ARHGAP15: variants seen among roughly 807,000 people sequenced by gnomAD.
The protein encoded by ARHGAP15 is Rho GTPase activating protein 15.
ARHGAP15 carries 51 observed loss-of-function variants against 63.7 expected under a neutral mutation model. The ratio of observed to expected loss-of-function variants is 0.80; its 90% CI spans 0.64 to 1.01. The LOEUF is 1.01. Ranked by LOEUF, ARHGAP15 falls within the 50% of genes least tolerant of loss-of-function variation. ARHGAP15 has a pLI of 0.00. For synonymous variants in ARHGAP15, 191 were observed against 193.8 expected (o/e 0.99, Z 0.12); for missense variants, 560 against 564.6 (o/e 0.99, Z 0.08).
intron 6 of ARHGAP15, among the ~76,000 whole-genome samples, chr2:143,373,629 CAAAAAAAAAAAAAAA>C (rs58153000): frequency 1.7e-4 from 11 of 62,970 alleles, no homozygotes; most frequent in Admixed American, 5.1e-4. Context: ...GACTCTATCT[CAAAAAAAAAAAAAAA>C]AAAAAAAAAA....
At chr2:143,688,792 G>A (rs919910508) in intron 12 of ARHGAP15, among the ~76,000 whole-genome samples, 3 of 152,070 alleles carry the variant, frequency 2.0e-5, no homozygotes, top group Non-Finnish European at 1.5e-5. Flanking sequence ...TTTCTTTTAG[G>A]ATTTAGTGAG....
At chr2:143,444,369 A>G (rs1298399286) in intron 8 of ARHGAP15, among the ~76,000 whole-genome samples, 4 of 152,202 alleles carry the variant, frequency 2.6e-5, no homozygotes, top group Non-Finnish European at 5.9e-5. Context: ...ATGGGCGTAT[A>G]TTAATGTTTT....
At chr2:143,669,762 C>A (rs1286901436) in intron 12 of ARHGAP15, among the ~76,000 whole-genome samples, 1 of 152,186 alleles carries the variant, frequency 6.6e-6, no homozygotes, top group Non-Finnish European at 1.5e-5. Flanking sequence ...TCCAGCAAAA[C>A]ACTTGCCTCA....
At chr2:143,287,890 C>T (rs1682190689) in intron 6 of ARHGAP15, among the ~76,000 whole-genome samples, 1 of 152,136 alleles carries the variant, frequency 6.6e-6, no homozygotes, top group Non-Finnish European at 1.5e-5. Context: ...CATATCTCAC[C>T]CCTGCAGGCT....
chr2:143,416,973 T>G (rs2105040600), intron 6 of ARHGAP15, among the ~76,000 whole-genome samples: 1 of 152,158 alleles, frequency 6.6e-6, no homozygotes, highest in Admixed American at 6.5e-5. Flanking sequence ...TTTCAGGGAT[T>G]CTGGCAGGCG....
intron 11 of ARHGAP15, among the ~76,000 whole-genome samples, chr2:143,612,304 G>A (rs1330825794): frequency 6.6e-6 from 1 of 152,134 alleles, no homozygotes; most frequent in Admixed American, 6.6e-5. Flanking sequence ...AAAATCACCT[G>A]GAGGACTTGT....
chr2:143,539,072 A>G (rs1425402842), intron 10 of ARHGAP15, among the ~76,000 whole-genome samples: 2 of 152,184 alleles, frequency 1.3e-5, no homozygotes, highest in African/African-American at 2.4e-5. Flanking sequence ...TTATTGGTCT[A>G]TTCAGAGATT....
At chr2:143,524,835 G>A (rs1294084613) in intron 10 of ARHGAP15, among the ~76,000 whole-genome samples, 2 of 152,158 alleles carry the variant, frequency 1.3e-5, no homozygotes, top group East Asian at 3.9e-4. Context: ...TATACATGTT[G>A]CATTTGCATA....
intron 6 of ARHGAP15, among the ~76,000 whole-genome samples, chr2:143,316,942 C>T (rs112229827): frequency 2.4e-4 from 37 of 152,230 alleles, no homozygotes; most frequent in Admixed American, 9.2e-4. Flanking sequence ...ATTGAACTTA[C>T]GTAGTTATAG....
chr2:143,639,483 A>G (rs1232331207), intron 12 of ARHGAP15, among the ~76,000 whole-genome samples: 3 of 152,156 alleles, frequency 2.0e-5, no homozygotes, highest in Non-Finnish European at 1.5e-5. Context: ...TTTATTTGTA[A>G]CAAACATTTA....
At chr2:143,247,672 C>A (rs893940478) in intron 5 of ARHGAP15, among the ~76,000 whole-genome samples, 1 of 152,160 alleles carries the variant, frequency 6.6e-6, no homozygotes, top group Non-Finnish European at 1.5e-5. Context: ...AAGGAAGAGT[C>A]AGTATCTCCC....
intron 10 of ARHGAP15, among the ~76,000 whole-genome samples, chr2:143,522,888 A>G (rs796866692): frequency 5.3e-5 from 8 of 152,276 alleles, no homozygotes; most frequent in African/African-American, 1.9e-4. Flanking sequence ...GTAGTTTATG[A>G]TGACGTCATA....
chr2:143,223,715 CT>C (rs1243766232), intron 4 of ARHGAP15, among the ~76,000 whole-genome samples: 1 of 152,174 alleles, frequency 6.6e-6, no homozygotes, highest in Admixed American at 6.5e-5. Context: ...TTATCTCCCC[CT>C]CTTAGCTCCT....
chr2:143,153,843 T>TTCTTCCTCTTCCTCC lies in ARHGAP15; in HGVS notation c.-14-1632_-14-1631insTTCCTCTTCCTCCTC, dbSNP rs1689957969. On this transcript the variant is annotated intron_variant, in intron 1 of 13. Coordinates refer to ENST00000295095, the MANE Select transcript of ARHGAP15 (RefSeq NM_018460.4). ...CTTCTTCTTCTTCTTCTTCTTCTTC[T>TTCTTCCTCTTCCTCC]TCCTCCTCCTCCTCCTCCTCCTCCT... 2.9e-3 allele frequency among the ~76,000 whole-genome samples: 254 copies of TTCTTCCTCTTCCTCC among 86,880 alleles called. 13 individuals carry two copies. The highest frequency in any genetic ancestry group is 0.01 in the East Asian group (24 of 2,390). The allele number at this position is 86,880 out of a possible 152,430, so 57.0% of individuals were successfully genotyped here.
At chr2:143,470,640 T>C (rs1214206537) in intron 8 of ARHGAP15, among the ~76,000 whole-genome samples, 1 of 136,762 alleles carries the variant, frequency 7.3e-6, no homozygotes, top group African/African-American at 2.5e-5. Context: ...TGTGTGTATA[T>C]ATGTGTGTGT....
At chr2:143,383,337 T>C (rs1687136641) in intron 6 of ARHGAP15, among the ~76,000 whole-genome samples, 2 of 152,296 alleles carry the variant, frequency 1.3e-5, no homozygotes, top group South Asian at 4.1e-4. Context: ...CTTGGCTCAC[T>C]TATATAAGGT....
chr2:143,331,695 A>T (rs752068635), intron 6 of ARHGAP15, among the ~76,000 whole-genome samples: 1 of 152,188 alleles, frequency 6.6e-6, no homozygotes, highest in Non-Finnish European at 1.5e-5. Flanking sequence ...TAAGAGGTAC[A>T]TGAGAAAAAA....
At chr2:143,442,170 CTAAA>C (rs1432565263) in intron 8 of ARHGAP15, among the ~76,000 whole-genome samples, 1 of 152,088 alleles carries the variant, frequency 6.6e-6, no homozygotes, top group African/African-American at 2.4e-5. Flanking sequence ...TTGTACTAAT[CTAAA>C]TAATTATAAT....
chr2:143,167,147 T>C (rs1421708313), intron 2 of ARHGAP15, among the ~76,000 whole-genome samples: 1 of 152,168 alleles, frequency 6.6e-6, no homozygotes, highest in Non-Finnish European at 1.5e-5. Context: ...AATTTTACTT[T>C]GATCTTTGCT....
Sources: allele counts gnomAD v4.1 joint callset (sites outside exome capture counted in the v4.1 genomes callset), GRCh38; gene constraint gnomAD v4.1.1; transcripts MANE v1.5; gene names NCBI Gene and HGNC (gene_info 2026-07-23, HGNC 2026-07-21).